The following PYGB variants were observed in gnomAD, a reference collection of about 807,000 sequenced individuals.
PYGB encodes the protein glycogen phosphorylase, brain form.
PYGB carries 82 observed loss-of-function variants against 94.3 expected under a neutral mutation model. The observed-to-expected ratio is 0.87, with a 90% CI of 0.73 to 1.04. The LOEUF (loss-of-function observed/expected upper bound fraction) is 1.04. PYGB is among the 50% of genes least tolerant of loss of function. The pLI, the probability that PYGB is intolerant of heterozygous loss-of-function variation, is 0.00. For synonymous variants in PYGB, 488 were observed against 479.1 expected (o/e 1.02, Z -0.24); for missense variants, 1,132 against 1,158.2 (o/e 0.98, Z 0.33).
At chr20:25,262,982 T>C (rs2092917057) in intron 2 of PYGB, among the ~76,000 whole-genome samples, 4 of 152,148 alleles carry the variant, frequency 2.6e-5, no homozygotes, top group Admixed American at 2.6e-4. Context: ...CTTAGAGACC[T>C]ACAAAGAGAC....
chr20:25,270,206 G>GTTTTTTT (rs1166786019), intron 3 of PYGB, among the ~76,000 whole-genome samples: 1 of 111,926 alleles, frequency 8.9e-6, no homozygotes, highest in Non-Finnish European at 1.7e-5. Flanking sequence ...GTTTTGTTTT[G>GTTTTTTT]TTTTTTTTTT....
rs1388107273 is a variant in PYGB at position 25,283,168 on chromosome 20, T to G, written c.1519-8T>G. ...GCCCACAGTGAGCGGAACCTTTACG[T>G]TCTCCAGAAAATTGGGGAGGAGTTC... On this transcript the variant is annotated splice_region_variant and splice_polypyrimidine_tract_variant and intron_variant, in intron 12 of 19. Transcript: ENST00000216962. 20 of 1,610,214 alleles carry G rather than the reference T, an allele frequency of 1.2e-5. No individual in the cohort carries two copies. The highest frequency in any genetic ancestry group is 1.7e-5 in the Non-Finnish European group (20 of 1,176,830).
chr20:25,280,222 C>CT (rs1165447494), intron 9 of PYGB, 44 bp from the exon 10 acceptor site: 2 of 1,600,624 alleles, frequency 1.2e-6, no homozygotes, highest in Admixed American at 3.4e-5. Context: ...CAGAGAGCTG[C>CT]TTGTTTCTAA....
At position 25,290,449 on chromosome 20, in the gene PYGB, T is replaced by C. The variant is rs767569457; in HGVS notation, c.1828-32T>C. 3.8e-6 allele frequency: 6 copies of C among 1,593,156 alleles called. No individual in the cohort carries two copies. In the Middle Eastern group the frequency reaches 5.0e-4, roughly 133 times the overall value. ...CTCCAAGGGCCTGAACAAGGCATTT[T>C]TGTGCTAAAAACCTTCACCCTCTCC... On this transcript the variant is annotated intron_variant, in intron 15 of 19. Transcript: ENST00000216962.
intron 18 of PYGB, 115 bp from the exon 19 acceptor site, chr20:25,295,489 C>T: frequency 2.4e-6 from 3 of 1,272,416 alleles, no homozygotes; most frequent in Admixed American, 1.7e-5. Flanking sequence ...GGCCCCTTCG[C>T]TCCAGACAGG....
At chr20:25,296,153 T>TCCAGCTCCTTGTTGCC (rs1434883047) in intron 19 of PYGB, among the ~76,000 whole-genome samples, 1 of 152,052 alleles carries the variant, frequency 6.6e-6, no homozygotes, top group Non-Finnish European at 1.5e-5. Flanking sequence ...GGACCTTCTC[T>TCCAGCTCCTTGTTGCC]CCAGCTCCTT....
chr20:25,259,337 A>G lies in PYGB; in HGVS notation c.344A>G (p.Gln115Arg). 1 of 1,599,980 alleles carries G rather than the reference A, an allele frequency of 6.3e-7. No individual in the cohort carries two copies. Among genetic ancestry groups the G allele is most frequent in the Non-Finnish European group, 8.6e-7 (1 of 1,167,198 alleles). The part of the protein sequence containing the change: ...LQNACDEAIY[Q>R]LGLDLEELEE... ...AATGCCTGCGATGAAGCCATCTATC[A>G]GGTACAGAGCCTCATGGCCGGGCTT... The change falls in exon 2 of 20, where the codon CAG becomes CGG. Residue 115 changes from glutamine to arginine, a missense_variant and splice_region_variant. By Grantham distance (43) the Gln-to-Arg change is conservative (BLOSUM62 1). Transcript: ENST00000216962.
chr20:25,293,897 C>G, intron 17 of PYGB: 1 of 469,636 alleles, frequency 2.1e-6, no homozygotes, highest in Non-Finnish European at 3.8e-6. Context: ...CCTAGCAGAT[C>G]TGCTAGTGAT....
intron 2 of PYGB, among the ~76,000 whole-genome samples, chr20:25,262,267 T>A (rs908334889): frequency 6.6e-6 from 1 of 152,212 alleles, no homozygotes; most frequent in African/African-American, 2.4e-5. Context: ...CCCATCAGAT[T>A]AACAGCGGAT....
rs566372970 is a variant in PYGB at position 25,262,732 on chromosome 20, G to A, written c.345+3394G>A. ...TATTCAGGAGACCCATCTCACATGC[G>A]GAGACACACATAGGCTCAAAATAAA... On this transcript the variant is annotated intron_variant, in intron 2 of 19. Transcript: ENST00000216962. Among the ~76,000 whole-genome samples, 6 of 151,642 alleles carry A rather than the reference G, an allele frequency of 4.0e-5. No homozygotes were observed. The South Asian group carries it at 8.3e-4, about 21-fold the overall frequency.
intron 5 of PYGB, among the ~76,000 whole-genome samples, chr20:25,275,558 A>C (rs182465950): frequency 6.6e-6 from 1 of 152,364 alleles, no homozygotes; most frequent in Non-Finnish European, 1.5e-5. Context: ...TTTTAAATCA[A>C]ATACATGGGC....
chr20:25,274,518 C>T (rs955385955), intron 4 of PYGB, 74 bp from the exon 5 acceptor site: 1 of 1,547,674 alleles, frequency 6.5e-7, no homozygotes, highest in Admixed American at 1.9e-5. Flanking sequence ...ACCGCACGGT[C>T]TGCTGGGTCC....
At chr20:25,255,304 C>T (rs2092900002) in intron 1 of PYGB, among the ~76,000 whole-genome samples, 1 of 152,212 alleles carries the variant, frequency 6.6e-6, no homozygotes, top group Non-Finnish European at 1.5e-5. Flanking sequence ...TCTCTCCTCC[C>T]ACAGGACCTC....
chr20:25,292,132 A>G (rs1467339800), intron 16 of PYGB, among the ~76,000 whole-genome samples: 1 of 152,160 alleles, frequency 6.6e-6, no homozygotes, highest in Non-Finnish European at 1.5e-5. Context: ...GTTTTGGTGC[A>G]CAGATCCTAT....
intron 15 of PYGB, chr20:25,290,079 A>G (rs2088452183): frequency 2.4e-6 from 1 of 412,266 alleles, no homozygotes; most frequent in Non-Finnish European, 4.9e-6. Flanking sequence ...TGTCTGTTAC[A>G]GACATCGGGT....
chr20:25,276,891 C>T (rs975465957), intron 6 of PYGB, 134 bp downstream of exon 6: 12 of 784,522 alleles, frequency 1.5e-5, no homozygotes, highest in African/African-American at 5.2e-5. Context: ...GGTGTCCCTG[C>T]GTCCCAGTGA....
At chr20:25,276,525 G>A (rs1479322719) in intron 5 of PYGB, 121 bp from the exon 6 acceptor site, 2 of 743,204 alleles carry the variant, frequency 2.7e-6, no homozygotes, top group East Asian at 2.6e-5. Context: ...TGGGCAGAAG[G>A]GGGAGACGGT....
intron 1 of PYGB, among the ~76,000 whole-genome samples, chr20:25,253,016 C>G (rs2092892600): frequency 6.6e-6 from 1 of 152,234 alleles, no homozygotes; most frequent in Non-Finnish European, 1.5e-5. Flanking sequence ...TTATGAATAA[C>G]AAAAGACACT....
chr20:25,258,696 C>T (rs1034387417), intron 1 of PYGB, among the ~76,000 whole-genome samples: 1 of 152,268 alleles, frequency 6.6e-6, no homozygotes, highest in Non-Finnish European at 1.5e-5. Context: ...AGCCAGCCAG[C>T]AGGCATCAGC....
Sources: gnomAD v4.1 joint callset for allele counts (sites outside exome capture counted in the v4.1 genomes callset) on GRCh38, gnomAD v4.1.1 for gene constraint, MANE v1.5 for transcripts, NCBI Gene and HGNC (gene_info 2026-07-23, HGNC 2026-07-21) for gene names.